CFAP54: variants seen among roughly 807,000 people sequenced by gnomAD.
CFAP54 encodes the protein cilia and flagella associated protein 54.
CFAP54 carries 290 observed loss-of-function variants against 370.4 expected under a neutral mutation model. The ratio of observed to expected loss-of-function variants is 0.78; its 90% CI spans 0.71 to 0.86. The LOEUF (loss-of-function observed/expected upper bound fraction) is 0.86. Among genes scored for constraint, CFAP54 ranks in the 40% least tolerant of loss-of-function variants. CFAP54 has a pLI of 0.00. For missense variants in CFAP54, 3,399 were observed against 3,528.7 expected, an observed-to-expected ratio of 0.96 and a Z score of 0.93; for synonymous variants, 1,206 against 1,236.5, an observed-to-expected ratio of 0.98 and a Z score of 0.52.
At chr12:96,599,030 T>A (rs1271463139) in intron 26 of CFAP54, among the ~76,000 whole-genome samples, 7 of 152,130 alleles carry the variant, frequency 4.6e-5, no homozygotes, top group African/African-American at 1.7e-4. Flanking sequence ...TTATTATACT[T>A]TAAGTTCTAG....
At chr12:96,855,647 G>A (rs1015582811) in intron 66 of CFAP54, among the ~76,000 whole-genome samples, 1 of 152,252 alleles carries the variant, frequency 6.6e-6, no homozygotes, top group Non-Finnish European at 1.5e-5. Context: ...AGGGCTTGCT[G>A]ATGCAAGAGG....
chr12:96,722,725 TATA>T (rs892374556), intron 50 of CFAP54, among the ~76,000 whole-genome samples: 2 of 152,160 alleles, frequency 1.3e-5, no homozygotes, highest in Non-Finnish European at 2.9e-5. Flanking sequence ...AGGAGGCTAT[TATA>T]ATAACAGAAA....
At position 96,606,934 on chromosome 12, in the gene CFAP54, C is replaced by T. The variant is rs144690699; in HGVS notation, c.3639+8167C>T. 2.5e-3 allele frequency among the ~76,000 whole-genome samples: 388 copies of T among 152,244 alleles called. 1 individual carries two copies. Among genetic ancestry groups the T allele is most frequent in the African/African-American group, 9.0e-3 (374 of 41,530 alleles). ...TGTTTTTATGTGGTTCTCATAGGAC[C>T]TTTGCAGTTTGACCAGAGATCTGGA... On this transcript the variant is annotated intron_variant, in intron 26 of 67. Coordinates refer to ENST00000524981, the MANE Select transcript of CFAP54 (RefSeq NM_001306084.2).
intron 48 of CFAP54, among the ~76,000 whole-genome samples, chr12:96,710,629 C>T (rs1957600757): frequency 6.6e-6 from 1 of 151,934 alleles, no homozygotes; most frequent in Admixed American, 6.6e-5. Context: ...CAGCAAGGCC[C>T]CAAATGTTAT....
chr12:96,717,587 T>C (rs1250948012), intron 48 of CFAP54, among the ~76,000 whole-genome samples: 1 of 152,230 alleles, frequency 6.6e-6, no homozygotes, highest in African/African-American at 2.4e-5. Flanking sequence ...GCAAAGACTG[T>C]GATCTGAATT....
rs558084352 is a variant in CFAP54 at position 96,628,157 on chromosome 12, A to G, written c.4103+1218A>G. ...ACTCTATGATGTTCACACAATGACA[A>G]AATTCCCTAACAAAGTATTTCTCAG... On this transcript the variant is annotated intron_variant, in intron 30 of 67. Transcript: ENST00000524981. Among the ~76,000 whole-genome samples the G allele has an allele frequency of 1.1e-3, 173 of 152,324 alleles. 1 individual carries two copies. Among genetic ancestry groups the G allele is most frequent in the African/African-American group, 4.0e-3 (168 of 41,588 alleles).
At chr12:96,665,929 T>A (rs1957075011) in intron 39 of CFAP54, among the ~76,000 whole-genome samples, 1 of 152,226 alleles carries the variant, frequency 6.6e-6, no homozygotes, top group Admixed American at 6.5e-5. Context: ...GTTTTAATGA[T>A]ATTGATTCTT....
intron 66 of CFAP54, among the ~76,000 whole-genome samples, chr12:96,846,267 C>T (rs1461033672): frequency 1.3e-5 from 2 of 152,224 alleles, no homozygotes; most frequent in African/African-American, 4.8e-5. Flanking sequence ...CCACTTCCTT[C>T]CACTTTTCCT....
chr12:96,701,627 A>G (rs1957492235), intron 46 of CFAP54, among the ~76,000 whole-genome samples: 1 of 152,146 alleles, frequency 6.6e-6, no homozygotes, highest in African/African-American at 2.4e-5. Context: ...TCTCTATAAT[A>G]AGCAAGTTTT....
At chr12:96,743,654 T>A in intron 53 of CFAP54, 77 bp from the exon 54 acceptor site, 1 of 1,562,502 alleles carries the variant, frequency 6.4e-7, no homozygotes, top group Non-Finnish European at 8.7e-7. Flanking sequence ...ACTGAATGCA[T>A]AACAATTAAC....
intron 36 of CFAP54, among the ~76,000 whole-genome samples, chr12:96,657,195 T>A (rs114435845): frequency 6.6e-6 from 1 of 152,314 alleles, no homozygotes; most frequent in African/African-American, 2.4e-5. Context: ...CTAAGAGGCT[T>A]TGTTTTGCCT....
intron 44 of CFAP54, among the ~76,000 whole-genome samples, chr12:96,691,986 CTT>C (rs1421974446): frequency 6.6e-6 from 1 of 151,824 alleles, no homozygotes; most frequent in Non-Finnish European, 1.5e-5. Flanking sequence ...TTTCGCATCT[CTT>C]TTTCTCCTTT....
chr12:96,510,252 CAA>C (rs199654204), intron 4 of CFAP54, among the ~76,000 whole-genome samples: 12,343 of 88,214 alleles, frequency 0.14, 897 homozygotes, highest in East Asian at 0.51. Context: ...GACTCCATCT[CAA>C]AAAAAAAAAA....
At chr12:96,702,874 C>T (rs1957505858) in intron 46 of CFAP54, among the ~76,000 whole-genome samples, 1 of 151,900 alleles carries the variant, frequency 6.6e-6, no homozygotes, top group South Asian at 2.1e-4. Flanking sequence ...TGAAAAAGTC[C>T]TACAGATTAC....
chr12:96,531,558 A>C (rs1265784383), intron 9 of CFAP54, among the ~76,000 whole-genome samples: 1 of 151,714 alleles, frequency 6.6e-6, no homozygotes, highest in Non-Finnish European at 1.5e-5. Context: ...TTCATCCTCC[A>C]TGTCTTATTT....
chr12:96,567,136 C>T (rs1387554136), intron 19 of CFAP54, among the ~76,000 whole-genome samples: 1 of 152,056 alleles, frequency 6.6e-6, no homozygotes, highest in Non-Finnish European at 1.5e-5. Flanking sequence ...GGAGCGCAAA[C>T]AGTAGAAAGG....
intron 65 of CFAP54, among the ~76,000 whole-genome samples, chr12:96,827,730 T>TAATATAATTATATATAATTATATA (rs1565994336): frequency 1.7e-5 from 2 of 119,834 alleles, no homozygotes; most frequent in African/African-American, 6.5e-5. Context: ...ATAATTATAT[T>TAATATAATTATATATAATTATATA]TAATATAATT....
intron 48 of CFAP54, among the ~76,000 whole-genome samples, chr12:96,711,988 C>T (rs555395290): frequency 6.6e-6 from 1 of 152,256 alleles, no homozygotes; most frequent in South Asian, 2.1e-4. Context: ...ATTGATGTGT[C>T]ATATTTAACT....
intron 45 of CFAP54, among the ~76,000 whole-genome samples, chr12:96,694,968 C>G (rs1957427094): frequency 6.6e-6 from 1 of 152,066 alleles, no homozygotes; most frequent in South Asian, 2.1e-4. Context: ...TTGCAGTGAG[C>G]TGAGATTGCA....
Sources: allele counts gnomAD v4.1 joint callset (sites outside exome capture counted in the v4.1 genomes callset), GRCh38; gene constraint gnomAD v4.1.1; transcripts MANE v1.5; gene names NCBI Gene and HGNC (gene_info 2026-07-23, HGNC 2026-07-21).